KLHL29: variants seen among roughly 807,000 people sequenced by gnomAD.
The protein encoded by KLHL29 is kelch-like protein 29.
In KLHL29, 21 loss-of-function variants were observed where a neutral mutation model predicts 80.4. The observed-to-expected ratio is 0.26, with a 90% confidence interval of 0.19 to 0.38. KLHL29 has a LOEUF of 0.38. KLHL29 is among the 10% of genes least tolerant of loss of function. KLHL29 has a pLI of 1.00. For synonymous variants in KLHL29, 511 were observed against 526.8 expected (o/e 0.97, Z 0.41); for missense variants, 867 against 1,223.9 (o/e 0.71, Z 4.35).
At chr2:23,438,328 C>A (rs1307384485) in intron 1 of KLHL29, among the ~76,000 whole-genome samples, 2 of 150,814 alleles carry the variant, frequency 1.3e-5, no homozygotes, top group Non-Finnish European at 1.5e-5. Context: ...ATTGCCCTGG[C>A]CAGAACTTCC....
At position 23,708,245 on chromosome 2, in the gene KLHL29, ATTATT is replaced by A. The variant is rs1672844642; in HGVS notation, c.*1583_*1587del. 1 of 151,558 alleles carries A rather than the reference ATTATT, an allele frequency of 6.6e-6. No individual in the cohort carries two copies. The highest frequency in any genetic ancestry group is 1.5e-5 in the Non-Finnish European group (1 of 68,030). 9.4% of individuals were successfully genotyped at this position (151,558 alleles called of 1,614,324 possible). ...CGAGCTTCGTTATGCAGTTTTTAAT[ATTATT>A]TATTATTTTAAAAAGTAATAAGCAC... On this transcript the variant is annotated 3_prime_UTR_variant, in exon 14 of 14. Transcript: ENST00000486442.
intron 8 of KLHL29, among the ~76,000 whole-genome samples, chr2:23,693,988 C>T (rs543096098): frequency 6.6e-6 from 1 of 152,326 alleles, no homozygotes; most frequent in South Asian, 2.1e-4. Flanking sequence ...CGCCATTGAG[C>T]CCCAGAGAAA....
At chr2:23,437,620 A>G (rs1328789219) in intron 1 of KLHL29, among the ~76,000 whole-genome samples, 4 of 152,192 alleles carry the variant, frequency 2.6e-5, no homozygotes, top group Non-Finnish European at 5.9e-5. Context: ...CTCAGTTTAT[A>G]TATTGCTGTG....
intron 3 of KLHL29, among the ~76,000 whole-genome samples, chr2:23,609,687 A>C (rs1040051527): frequency 6.6e-6 from 1 of 152,190 alleles, no homozygotes; most frequent in Admixed American, 6.5e-5. Flanking sequence ...AATAATGATG[A>C]CAAATACATA....
intron 1 of KLHL29, among the ~76,000 whole-genome samples, chr2:23,415,463 A>C (rs1666960189): frequency 6.6e-6 from 1 of 152,188 alleles, no homozygotes; most frequent in African/African-American, 2.4e-5. Context: ...CATTATTGTT[A>C]CTTGGCAGAA....
At chr2:23,524,051 T>A (rs1258342557) in intron 2 of KLHL29, 5 of 471,436 alleles carry the variant, frequency 1.1e-5, no homozygotes, top group African/African-American at 1.0e-4. Flanking sequence ...CATGCCTTCC[T>A]CTTCCGAAGG....
intron 1 of KLHL29, among the ~76,000 whole-genome samples, chr2:23,440,286 T>G (rs1663476226): frequency 6.6e-6 from 1 of 151,970 alleles, no homozygotes; most frequent in Non-Finnish European, 1.5e-5. Context: ...TGTAGAAAGC[T>G]GAAACTGGAT....
intron 3 of KLHL29, among the ~76,000 whole-genome samples, chr2:23,611,517 C>T (rs1668871404): frequency 1.3e-5 from 2 of 152,152 alleles, no homozygotes; most frequent in Admixed American, 1.3e-4. Flanking sequence ...TCCCTAGGTG[C>T]CCAGCAGAAG....
Position 23,516,293 on chromosome 2 carries a change from C to T in KLHL29, c.-46+40626C>T, listed in dbSNP as rs545742499. Among the ~76,000 whole-genome samples the T allele has an allele frequency of 3.9e-5, 6 of 152,294 alleles. No individual in the cohort carries two copies. In the South Asian group the frequency reaches 8.3e-4, roughly 21 times the overall value. ...GAAGGGCTGACCAGGAGCAACTATT[C>T]GAAGGCAGCACCCTGCACACAGCCT... On this transcript the variant is annotated intron_variant, in intron 2 of 13. Transcript: ENST00000486442.
At chr2:23,705,609 T>C (rs1672668917) in intron 13 of KLHL29, among the ~76,000 whole-genome samples, 1 of 151,988 alleles carries the variant, frequency 6.6e-6, no homozygotes, top group African/African-American at 2.4e-5. Context: ...CCAGATGGCA[T>C]GAACTAAGGG....
At position 23,707,406 on chromosome 2, in the gene KLHL29, TACTGAGA is replaced by T. The variant is rs1672799743; in HGVS notation, c.*743_*749del. 6.6e-6 allele frequency: 1 copy of T among 152,202 alleles called. No homozygotes were observed. The allele number at this position is 152,202 out of a possible 1,614,324, so 9.4% of individuals were successfully genotyped here. Reference sequence around the variant, plus strand: ...TGATAAACAAAAGGCTATTTTTAAGTACTGAGAGGAGGAGCAGGCCACAAGAGGGATA... The same window carrying T: ...TGATAAACAAAAGGCTATTTTTAAGTGGAGGAGCAGGCCACAAGAGGGATA... On this transcript the variant is annotated 3_prime_UTR_variant, in exon 14 of 14. Coordinates refer to ENST00000486442, the MANE Select transcript of KLHL29 (RefSeq NM_052920.2).
intron 1 of KLHL29, among the ~76,000 whole-genome samples, chr2:23,434,998 A>AT (rs1204670323): frequency 1.3e-5 from 2 of 152,304 alleles, no homozygotes; most frequent in Non-Finnish European, 2.9e-5. Context: ...TGGCATAAAC[A>AT]AGACATAACT....
At chr2:23,525,799 G>C (rs1314976998) in intron 2 of KLHL29, among the ~76,000 whole-genome samples, 1 of 149,274 alleles carries the variant, frequency 6.7e-6, no homozygotes, top group East Asian at 2.0e-4. Flanking sequence ...TATCAGGTGC[G>C]CAGGACGCCC....
rs144633293 is a variant in KLHL29 at position 23,530,171 on chromosome 2, C to T, written c.-45-31981C>T. 1.9e-3 allele frequency among the ~76,000 whole-genome samples: 296 copies of T among 152,316 alleles called. 2 individuals are homozygous for T. Among genetic ancestry groups the T allele is most frequent in the African/African-American group, 6.6e-3 (276 of 41,558 alleles). On this transcript the variant is annotated intron_variant, in intron 2 of 13. Transcript: ENST00000486442. ...GGCAGGGCTGGCTCTAGTACTGTGG[C>T]GTAGAGCCCTCTGGGTGCCTGAGTT...
rs113553982 is a variant in KLHL29, at chr2:23,693,570, G to C, written c.1542+42G>C. On this transcript the variant is annotated intron_variant, in intron 8 of 13. Coordinates refer to ENST00000486442, the MANE Select transcript of KLHL29 (RefSeq NM_052920.2). The stretch of plus-strand genomic sequence containing the variant: ...CCCCCGCCCCTTCTCTCTGGGTTTG[G>C]GGTCCCCCTGCGGCAATGGGGTCTG... 2.5e-3 allele frequency: 3,885 copies of C among 1,531,568 alleles called. 91 individuals carry two copies. In the African/African-American group the frequency reaches 0.044, roughly 17 times the overall value. The allele number at this position is 1,531,568 out of a possible 1,614,324, so 94.9% of individuals were successfully genotyped here. A position where few individuals can be genotyped will look rare whatever the true frequency, so the allele number is the denominator to read the frequency against.
intron 2 of KLHL29, among the ~76,000 whole-genome samples, chr2:23,500,000 C>T (rs73919713): frequency 0.07 from 10,675 of 152,206 alleles, 431 homozygotes; most frequent in Non-Finnish European, 0.09. Context: ...AATTAATTTA[C>T]GTATGACCCT....
rs147350965 is a variant in KLHL29 at position 23,442,161 on chromosome 2, G to T, written c.-153-33399G>T. Among the ~76,000 whole-genome samples the T allele has an allele frequency of 1.4e-4, 21 of 152,210 alleles. No individual in the cohort carries two copies. The East Asian group carries it at 4.1e-3, about 29-fold the overall frequency. On this transcript the variant is annotated intron_variant, in intron 1 of 13. Coordinates refer to ENST00000486442, the MANE Select transcript of KLHL29 (RefSeq NM_052920.2). Reference sequence around the variant, plus strand: ...TGCAGTGACACAAAAACGGCTTACTGCAGTCTCTATCTCCTACCTCCCAGG... The same window carrying T: ...TGCAGTGACACAAAAACGGCTTACTTCAGTCTCTATCTCCTACCTCCCAGG...
intron 2 of KLHL29, among the ~76,000 whole-genome samples, chr2:23,529,546 T>C (rs1010007460): frequency 3.3e-5 from 5 of 152,088 alleles, no homozygotes; most frequent in African/African-American, 1.2e-4. Context: ...TTATTTTGCT[T>C]CTCCCTTCCC....
intron 3 of KLHL29, among the ~76,000 whole-genome samples, chr2:23,634,290 A>G (rs1349998401): frequency 6.6e-6 from 1 of 152,170 alleles, no homozygotes; most frequent in East Asian, 1.9e-4. Context: ...TGCTGGCATC[A>G]TCGTCCCTCC....
Sources: allele counts gnomAD v4.1 joint callset (sites outside exome capture counted in the v4.1 genomes callset), GRCh38; gene constraint gnomAD v4.1.1; transcripts MANE v1.5; gene names NCBI Gene and HGNC (gene_info 2026-07-23, HGNC 2026-07-21).